The following ZNF423 variants were observed in gnomAD, a reference collection of about 807,000 sequenced individuals.
ZNF423 encodes Ebf-associated zinc finger protein.
In ZNF423, 12 loss-of-function variants were observed where a neutral mutation model predicts 95.8. The observed-to-expected ratio is 0.13, with a 90% CI of 0.08 to 0.20. The LOEUF (loss-of-function observed/expected upper bound fraction) is 0.20. Ranked by LOEUF, ZNF423 falls within the 10% of genes least tolerant of loss-of-function variation. ZNF423 has a pLI of 1.00. For missense variants in ZNF423, 1,316 were observed against 1,737.1 expected (o/e 0.76, Z 4.31); for synonymous variants, 749 against 711.9 (o/e 1.05, Z -0.83).
At chr16:49,843,724 C>T (rs1359079344) in intron 1 of ZNF423, among the ~76,000 whole-genome samples, 1 of 152,068 alleles carries the variant, frequency 6.6e-6, no homozygotes, top group Non-Finnish European at 1.5e-5. Flanking sequence ...TGGGGTCTTT[C>T]TTTTCTATTC....
At chr16:49,708,800 C>A (rs2032445462) in intron 3 of ZNF423, among the ~76,000 whole-genome samples, 1 of 152,194 alleles carries the variant, frequency 6.6e-6, no homozygotes, top group South Asian at 2.1e-4. Flanking sequence ...CCCCAGCACA[C>A]CCTCAGCTCC....
intron 1 of ZNF423, among the ~76,000 whole-genome samples, chr16:49,836,760 C>G (rs2144077854): frequency 6.6e-6 from 1 of 152,288 alleles, no homozygotes; most frequent in Middle Eastern, 3.4e-3. Context: ...GATGCTCCTT[C>G]TCCCCCACTG....
intron 5 of ZNF423, among the ~76,000 whole-genome samples, chr16:49,608,990 G>A (rs769930591): frequency 5.3e-5 from 8 of 152,158 alleles, no homozygotes; most frequent in Admixed American, 2.0e-4. Context: ...CAGTAACAAG[G>A]CCTTTCCCCA....
At chr16:49,829,916 A>C (rs2035044457) in intron 1 of ZNF423, among the ~76,000 whole-genome samples, 1 of 152,174 alleles carries the variant, frequency 6.6e-6, no homozygotes, top group Non-Finnish European at 1.5e-5. Flanking sequence ...CATGCCAGGC[A>C]CTGTGAATCC....
At chr16:49,594,039 A>G (rs982590773) in intron 5 of ZNF423, among the ~76,000 whole-genome samples, 45 of 152,134 alleles carry the variant, frequency 3.0e-4, no homozygotes, top group Non-Finnish European at 1.5e-5. Context: ...GATAGAACTC[A>G]AAAACTAGCA....
intron 5 of ZNF423, among the ~76,000 whole-genome samples, chr16:49,601,470 C>T (rs1395831694): frequency 6.6e-6 from 1 of 152,192 alleles, no homozygotes. Flanking sequence ...TGAAACTTCC[C>T]ACAGGAACGG....
intron 2 of ZNF423, among the ~76,000 whole-genome samples, chr16:49,743,246 G>A (rs369340408): frequency 6.6e-6 from 1 of 152,248 alleles, no homozygotes; most frequent in Non-Finnish European, 1.5e-5. Flanking sequence ...CCTCCTCACC[G>A]TTCAGGTCTC....
intron 5 of ZNF423, among the ~76,000 whole-genome samples, chr16:49,559,301 G>A (rs1381735066): frequency 6.6e-6 from 1 of 152,224 alleles, no homozygotes; most frequent in Non-Finnish European, 1.5e-5. Context: ...CAGGGAACAG[G>A]GTACAGTACG....
At chr16:49,690,874 G>A (rs2151945904) in intron 3 of ZNF423, among the ~76,000 whole-genome samples, 1 of 152,324 alleles carries the variant, frequency 6.6e-6, no homozygotes, top group African/African-American at 2.4e-5. Context: ...GTGGCAGGTA[G>A]AAAGAGGCTG....
intron 2 of ZNF423, among the ~76,000 whole-genome samples, chr16:49,747,834 T>C (rs555228182): frequency 2.0e-5 from 3 of 152,350 alleles, no homozygotes; most frequent in East Asian, 1.9e-4. Flanking sequence ...ACGCAAGAGA[T>C]TGTCCCCAGG....
At position 49,578,848 on chromosome 16, in the gene ZNF423, G is replaced by T. The variant is rs570819902; in HGVS notation, c.3601+47322C>A. On this transcript the variant is annotated intron_variant, in intron 5 of 7. Transcript: ENST00000563137. Reference sequence around the variant, plus strand: ...ATTCAGGTTTTCAGGTCATTCTCTGGCCTTGCCAGGAATGCAGTGTACTCC... The same window carrying T: ...ATTCAGGTTTTCAGGTCATTCTCTGTCCTTGCCAGGAATGCAGTGTACTCC... Among the ~76,000 whole-genome samples, 4 of 152,314 alleles carry T rather than the reference G, an allele frequency of 2.6e-5. No individual in the cohort carries two copies. The East Asian group carries it at 5.8e-4, about 22-fold the overall frequency.
intron 7 of ZNF423, among the ~76,000 whole-genome samples, chr16:49,517,383 T>C (rs536985296): frequency 7.2e-4 from 109 of 152,182 alleles, no homozygotes; most frequent in Non-Finnish European, 1.4e-3. Context: ...CCAGAGTTCT[T>C]AAAATGCTCG....
At chr16:49,842,101 G>C (rs1018134749) in intron 1 of ZNF423, among the ~76,000 whole-genome samples, 1 of 151,048 alleles carries the variant, frequency 6.6e-6, no homozygotes, top group Admixed American at 6.6e-5. Context: ...GCCAGGCATG[G>C]GGGGCAGGCG....
At chr16:49,746,846 C>G (rs796722549) in intron 2 of ZNF423, among the ~76,000 whole-genome samples, 1 of 152,322 alleles carries the variant, frequency 6.6e-6, no homozygotes, top group African/African-American at 2.4e-5. Context: ...TGGAGCCCAT[C>G]TACCCGAAGC....
At chr16:49,556,331 C>T (rs542188097) in intron 5 of ZNF423, among the ~76,000 whole-genome samples, 12 of 152,166 alleles carry the variant, frequency 7.9e-5, no homozygotes, top group Non-Finnish European at 1.6e-4. Flanking sequence ...CCCTCTTCTC[C>T]AAAGCCCTCC....
At chr16:49,821,442 A>C (rs1039448771) in intron 1 of ZNF423, among the ~76,000 whole-genome samples, 3 of 152,066 alleles carry the variant, frequency 2.0e-5, no homozygotes, top group East Asian at 3.9e-4. Flanking sequence ...CCCATTTCCA[A>C]CTGATTCCAT....
chr16:49,667,526 C>T (rs1236656787), intron 3 of ZNF423, among the ~76,000 whole-genome samples: 1 of 152,208 alleles, frequency 6.6e-6, no homozygotes, highest in African/African-American at 2.4e-5. Flanking sequence ...TGAAGACCTG[C>T]TCTATAGGTA....
At chr16:49,796,777 G>A (rs2034505493) in intron 1 of ZNF423, among the ~76,000 whole-genome samples, 1 of 152,204 alleles carries the variant, frequency 6.6e-6, no homozygotes, top group African/African-American at 2.4e-5. Context: ...CTGGCTTGAA[G>A]GCTGGAAGAA....
In ZNF423 at chr16:49,655,751, C is replaced by G. The variant is rs1451658691; in HGVS notation, c.302-16877G>C. Reference sequence around the variant, plus strand: ...ACACCATGGACCTCAACATGCTGAACAGGTGTCTGCTCCCACAGGAGGGGA... The same window carrying G: ...ACACCATGGACCTCAACATGCTGAAGAGGTGTCTGCTCCCACAGGAGGGGA... On this transcript the variant is annotated intron_variant, in intron 3 of 7. Transcript: ENST00000563137. 3.3e-5 allele frequency among the ~76,000 whole-genome samples: 5 copies of G among 152,172 alleles called. No individual in the cohort carries two copies. The South Asian group carries it at 1.0e-3, about 32-fold the overall frequency.
Sources: allele counts gnomAD v4.1 joint callset (sites outside exome capture counted in the v4.1 genomes callset), GRCh38; gene constraint gnomAD v4.1.1; transcripts MANE v1.5; gene names NCBI Gene and HGNC (gene_info 2026-07-23, HGNC 2026-07-21).